LARGE1: variants seen among roughly 807,000 people sequenced by gnomAD.
LARGE1 encodes the protein LARGE xylosyl- and glucuronyltransferase 1.
A neutral mutation model predicts 87.6 loss-of-function variants in LARGE1; 43 were observed. The observed-to-expected ratio is 0.49, with a 90% CI of 0.38 to 0.63. The LOEUF (loss-of-function observed/expected upper bound fraction) is 0.63, where lower values mean the gene tolerates loss of function less well. Among genes scored for constraint, LARGE1 ranks in the 30% least tolerant of loss-of-function variants. The pLI is 0.00. For synonymous variants in LARGE1, 434 were observed against 394.6 expected, an observed-to-expected ratio of 1.10 and a Z score of -1.18; for missense variants, 802 against 1,000.2, an observed-to-expected ratio of 0.80 and a Z score of 2.67.
At chr22:33,740,942 A>G (rs936332767) in intron 2 of LARGE1, among the ~76,000 whole-genome samples, 1 of 152,210 alleles carries the variant, frequency 6.6e-6, no homozygotes, top group Non-Finnish European at 1.5e-5. Context: ...TGAGAGTTTG[A>G]GAAATGTGAA....
In LARGE1 at chr22:33,392,075, A is replaced by G. The variant is rs181175286; in HGVS notation, c.893-7771T>C. On this transcript the variant is annotated intron_variant, in intron 7 of 14. Transcript: ENST00000397394. ...TGAGCCACCGTGCCCAGCCTACCAC[A>G]GGTTATTCCTATAACCAATATCCTC... is the stretch of plus-strand genomic sequence containing the variant. Among the ~76,000 whole-genome samples, 620 of 151,658 alleles carry G rather than the reference A, an allele frequency of 4.1e-3. 4 individuals are homozygous for G. Among genetic ancestry groups the G allele is most frequent in the Admixed American group, 0.013 (194 of 15,232 alleles).
downstream of LARGE1, among the ~76,000 whole-genome samples, chr22:33,269,865 C>T (rs967354755): frequency 3.0e-4 from 46 of 151,880 alleles, no homozygotes; most frequent in African/African-American, 1.1e-3. Context: ...ATTAGGTGGG[C>T]GTGGTGGCGG....
chr22:33,387,507 C>T (rs1337109682), intron 7 of LARGE1, among the ~76,000 whole-genome samples: 1 of 133,404 alleles, frequency 7.5e-6, no homozygotes, highest in African/African-American at 3.3e-5. Flanking sequence ...TGGATAGATG[C>T]TCCAATGTAT....
intron 11 of LARGE1, among the ~76,000 whole-genome samples, chr22:33,200,341 C>G (rs1467646243): frequency 6.6e-6 from 1 of 152,058 alleles, no homozygotes; most frequent in Non-Finnish European, 1.5e-5. Flanking sequence ...GAGAAAATGA[C>G]AAGTTGTGGC....
intron 9 of LARGE1, among the ~76,000 whole-genome samples, chr22:33,355,846 G>C (rs1940840544): frequency 6.6e-6 from 1 of 152,202 alleles, no homozygotes; most frequent in Non-Finnish European, 1.5e-5. Context: ...TTTATGTAAG[G>C]AAGTGTGGGC....
intron 6 of LARGE1, among the ~76,000 whole-genome samples, chr22:33,468,033 T>C (rs1023561651): frequency 1.3e-5 from 2 of 152,194 alleles, no homozygotes; most frequent in Non-Finnish European, 2.9e-5. Flanking sequence ...CTGAAAGGAA[T>C]GCAGATCTTG....
chr22:33,338,229 GC>G (rs1938711546), intron 9 of LARGE1, among the ~76,000 whole-genome samples: 3 of 152,146 alleles, frequency 2.0e-5, no homozygotes, highest in African/African-American at 7.2e-5. Context: ...GGGGAGAAAG[GC>G]GCTTGCTCCT....
intron 10 of LARGE1, 71 bp downstream of exon 10, chr22:33,337,575 G>T: frequency 1.3e-6 from 2 of 1,572,520 alleles, no homozygotes; most frequent in Non-Finnish European, 1.7e-6. Flanking sequence ...ATAGAGCCTG[G>T]CATGGGGGAG....
At chr22:33,387,524 A>ACG (rs2065370700) in intron 7 of LARGE1, among the ~76,000 whole-genome samples, 4 of 96,748 alleles carry the variant, frequency 4.1e-5, no homozygotes, top group African/African-American at 2.9e-4. Flanking sequence ...GTATTAAAAA[A>ACG]TGGGGGGGGG....
chr22:33,125,113 C>A, the LARGE1 span, among the ~76,000 whole-genome samples: 6 of 152,294 alleles, frequency 3.9e-5, no homozygotes, highest in East Asian at 1.2e-3. Flanking sequence ...GGCATCTCCA[C>A]GTGTCGGTAA....
At chr22:33,305,844 C>CTTTTT (rs111657762) in intron 11 of LARGE1, among the ~76,000 whole-genome samples, 6 of 136,894 alleles carry the variant, frequency 4.4e-5, no homozygotes, top group African/African-American at 1.4e-4. Flanking sequence ...TTTTCTTTTT[C>CTTTTT]TTTTTTTTTT....
At chr22:33,172,890 G>C (rs1180115232) in intron 11 of LARGE1, among the ~76,000 whole-genome samples, 1 of 152,180 alleles carries the variant, frequency 6.6e-6, no homozygotes, top group East Asian at 1.9e-4. Flanking sequence ...TGATTGGTGT[G>C]CCTGAAAGTG....
chr22:33,891,480 A>G (rs2065005129), intron 1 of LARGE1, among the ~76,000 whole-genome samples: 1 of 150,772 alleles, frequency 6.6e-6, no homozygotes, highest in Non-Finnish European at 1.5e-5. Context: ...CCATTCTATT[A>G]GGAGAGACAG....
intron 2 of LARGE1, among the ~76,000 whole-genome samples, chr22:33,672,119 T>G (rs982627093): frequency 1.3e-5 from 2 of 152,114 alleles, no homozygotes; most frequent in Admixed American, 6.5e-5. Flanking sequence ...TGTACACCCC[T>G]GGGTTTTAGA....
At chr22:33,559,536 A>AG (rs1180453638) in intron 6 of LARGE1, among the ~76,000 whole-genome samples, 2 of 152,200 alleles carry the variant, frequency 1.3e-5, no homozygotes, top group African/African-American at 4.8e-5. Context: ...AGGTCTGTCA[A>AG]GCCTCTTTCA....
intron 3 of LARGE1, among the ~76,000 whole-genome samples, chr22:33,641,690 A>C (rs1483198714): frequency 2.6e-5 from 4 of 152,240 alleles, no homozygotes; most frequent in African/African-American, 9.6e-5. Context: ...GAAGAACATC[A>C]ATGACCTGAT....
chr22:33,334,499 G>A (rs1278254124), intron 10 of LARGE1, among the ~76,000 whole-genome samples: 1 of 152,118 alleles, frequency 6.6e-6, no homozygotes, highest in East Asian at 1.9e-4. Flanking sequence ...TTGTGTGGGG[G>A]TAGGGGATTG....
rs142342949 is a variant in LARGE1 at position 33,389,794 on chromosome 22, G to A, written c.893-5490C>T. 1.9e-3 allele frequency among the ~76,000 whole-genome samples: 283 copies of A among 152,182 alleles called. 1 individual carries two copies. Among genetic ancestry groups the A allele is most frequent in the East Asian group, 0.015 (76 of 5,174 alleles). Reference sequence around the variant, plus strand: ...TGGGAAGCACAGGTTGCAGTGAGCCGCGACTGCATCACTGTACTCCAGCCA... The same window carrying A: ...TGGGAAGCACAGGTTGCAGTGAGCCACGACTGCATCACTGTACTCCAGCCA... On this transcript the variant is annotated intron_variant, in intron 7 of 14. Coordinates refer to ENST00000397394, the MANE Select transcript of LARGE1 (RefSeq NM_133642.5).
At position 33,852,696 on chromosome 22, in the gene LARGE1, T is replaced by C. The variant is rs184028711; in HGVS notation, c.-83+67299A>G. ...ATCCCGTCTCTACTAAAAAAACATA[T>C]ATACAAAAAATAAGCCGGGCGTGGC... On this transcript the variant is annotated intron_variant, in intron 1 of 14. Coordinates refer to ENST00000397394, the MANE Select transcript of LARGE1 (RefSeq NM_133642.5). 4.0e-5 allele frequency among the ~76,000 whole-genome samples: 6 copies of C among 150,624 alleles called. No homozygotes were observed. The East Asian group carries it at 1.2e-3, about 30-fold the overall frequency.
Sources: gnomAD v4.1 joint callset for allele counts (sites outside exome capture counted in the v4.1 genomes callset) on GRCh38, gnomAD v4.1.1 for gene constraint, MANE v1.5 for transcripts, NCBI Gene and HGNC (gene_info 2026-07-23, HGNC 2026-07-21) for gene names.